Variants in STARD13 observed in about 807,000 individuals in gnomAD.
STARD13 encodes StAR related lipid transfer domain containing 13, also known as stAR-related lipid transfer protein 13.
STARD13 carries 62 observed loss-of-function variants against 106.4 expected under a neutral mutation model. That is an observed-to-expected ratio of 0.58 (90% CI 0.48 to 0.72). The LOEUF (loss-of-function observed/expected upper bound fraction) is 0.72. Ranked by LOEUF, STARD13 falls within the 30% of genes least tolerant of loss-of-function variation. The pLI is 0.00. For synonymous variants in STARD13, 565 were observed against 553.0 expected (o/e 1.02, Z -0.31); for missense variants, 1,387 against 1,424.0 (o/e 0.97, Z 0.42).
the STARD13 span, among the ~76,000 whole-genome samples, chr13:33,449,860 G>C: frequency 6.6e-6 from 1 of 151,980 alleles, no homozygotes; most frequent in Non-Finnish European, 1.5e-5. Flanking sequence ...AAATGGTATT[G>C]CCTTCTTGAT....
At chr13:33,182,548 G>A (rs752392388) in intron 1 of STARD13, among the ~76,000 whole-genome samples, 3 of 152,004 alleles carry the variant, frequency 2.0e-5, no homozygotes, top group Non-Finnish European at 4.4e-5. Context: ...AAATTGTCTT[G>A]GGCCACACAT....
intron 3 of STARD13, among the ~76,000 whole-genome samples, chr13:33,142,603 C>A (rs1400232512): frequency 6.6e-6 from 1 of 152,208 alleles, no homozygotes; most frequent in Admixed American, 6.5e-5. Flanking sequence ...TGCCTTTTCC[C>A]TAATCTAAAC....
At chr13:33,429,319 G>A in the STARD13 span, among the ~76,000 whole-genome samples, 4 of 152,218 alleles carry the variant, frequency 2.6e-5, no homozygotes, top group East Asian at 3.9e-4. Flanking sequence ...GTACAGGGCC[G>A]GGCGTGGTGG....
At chr13:33,107,138 G>C (rs1232179258) in intron 12 of STARD13, among the ~76,000 whole-genome samples, 3 of 152,206 alleles carry the variant, frequency 2.0e-5, no homozygotes, top group Non-Finnish European at 4.4e-5. Context: ...TCAGCTCTGG[G>C]ACTGTGAGGC....
chr13:33,121,257 A>T (rs1876248684), intron 7 of STARD13, among the ~76,000 whole-genome samples: 1 of 152,176 alleles, frequency 6.6e-6, no homozygotes, highest in South Asian at 2.1e-4. Context: ...AGTGGTTTCC[A>T]ATAATCATTT....
chr13:33,146,315 C>T (rs745692426), intron 3 of STARD13, among the ~76,000 whole-genome samples: 70 of 151,264 alleles, frequency 4.6e-4, no homozygotes, highest in Non-Finnish European at 9.1e-4. Context: ...CAGAGTGAAA[C>T]TCCATCTCAA....
At chr13:33,466,316 A>T in the STARD13 span, among the ~76,000 whole-genome samples, 3 of 152,264 alleles carry the variant, frequency 2.0e-5, no homozygotes. Flanking sequence ...TTAAAATATT[A>T]GAGTAAAACT....
chr13:33,609,894 C>T, the STARD13 span, among the ~76,000 whole-genome samples: 1 of 152,152 alleles, frequency 6.6e-6, no homozygotes, highest in African/African-American at 2.4e-5. Context: ...TTAGGGTCTA[C>T]TCCCATATAC....
the STARD13 span, among the ~76,000 whole-genome samples, chr13:33,584,604 T>C: frequency 2.6e-5 from 4 of 152,278 alleles, no homozygotes; most frequent in South Asian, 8.3e-4. Flanking sequence ...TGCATTTCCC[T>C]GTTGGTTACA....
the STARD13 span, among the ~76,000 whole-genome samples, chr13:33,530,055 C>A: frequency 2.7e-5 from 4 of 150,922 alleles, no homozygotes; most frequent in African/African-American, 9.7e-5. Flanking sequence ...AAAAAACATG[C>A]ATAATAATTG....
the STARD13 span, among the ~76,000 whole-genome samples, chr13:33,627,724 G>C: frequency 2.0e-5 from 3 of 152,080 alleles, no homozygotes; most frequent in African/African-American, 7.2e-5. Context: ...AGGTGGAGAG[G>C]CCTCAGTGGT....
chr13:33,185,905 T>A, intron 1 of STARD13: 1 of 1,614,256 alleles, frequency 6.2e-7, no homozygotes, highest in South Asian at 1.1e-5. Flanking sequence ...TGGTTCACTC[T>A]GCTTTTCTGT....
At chr13:33,559,621 C>T in the STARD13 span, among the ~76,000 whole-genome samples, 3 of 151,278 alleles carry the variant, frequency 2.0e-5, no homozygotes, top group African/African-American at 7.4e-5. Flanking sequence ...TTTGGGAGGC[C>T]GAGGCGGGCA....
intron 3 of STARD13, among the ~76,000 whole-genome samples, chr13:33,145,525 C>T (rs1880405306): frequency 2.4e-5 from 3 of 124,854 alleles, no homozygotes; most frequent in Admixed American, 8.3e-5. Context: ...AAGATTTATA[C>T]TTTTTATAAT....
intron 1 of STARD13, among the ~76,000 whole-genome samples, chr13:33,174,835 G>A (rs1884343699): frequency 6.6e-6 from 1 of 152,164 alleles, no homozygotes; most frequent in Non-Finnish European, 1.5e-5. Flanking sequence ...CATAGTCTCA[G>A]TAATCATTTC....
In STARD13 at chr13:33,104,245, G is replaced by A. The variant is rs757518305; in HGVS notation, c.*1348C>T. Reference sequence around the variant, plus strand: ...TTGAATTACAATAAAAAGCACATTCGATCCATTAGCAGTTGGCTAAAGGGA... The same window carrying A: ...TTGAATTACAATAAAAAGCACATTCAATCCATTAGCAGTTGGCTAAAGGGA... On this transcript the variant is annotated 3_prime_UTR_variant, in exon 14 of 14. Coordinates refer to ENST00000336934, the MANE Select transcript of STARD13 (RefSeq NM_178006.4). 3.3e-5 allele frequency: 5 copies of A among 152,074 alleles called. No individual in the cohort carries two copies. The highest frequency in any genetic ancestry group is 5.9e-5 in the Non-Finnish European group (4 of 68,028). 9.4% of individuals were successfully genotyped at this position (152,074 alleles called of 1,614,324 possible). A position where few individuals can be genotyped will look rare whatever the true frequency, so the allele number is the denominator to read the frequency against.
At chr13:33,189,459 A>G (rs373532790) in intron 1 of STARD13, among the ~76,000 whole-genome samples, 1 of 134,976 alleles carries the variant, frequency 7.4e-6, no homozygotes, top group Admixed American at 7.2e-5. Context: ...AAGCAGGAGG[A>G]AAGGGAAGGG....
intron 1 of STARD13, among the ~76,000 whole-genome samples, chr13:33,258,952 A>G (rs1039199716): frequency 5.3e-5 from 8 of 152,206 alleles, no homozygotes; most frequent in African/African-American, 1.9e-4. Context: ...TTTCTGTTCT[A>G]TCTTTGCTGG....
chr13:33,613,633 A>T, the STARD13 span, among the ~76,000 whole-genome samples: 1 of 152,186 alleles, frequency 6.6e-6, no homozygotes, highest in South Asian at 2.1e-4. Context: ...ATTGGTCTGG[A>T]AGCTTGAGGG....
Sources: gnomAD v4.1 joint callset for allele counts (sites outside exome capture counted in the v4.1 genomes callset) on GRCh38, gnomAD v4.1.1 for gene constraint, MANE v1.5 for transcripts, NCBI Gene and HGNC (gene_info 2026-07-23, HGNC 2026-07-21) for gene names.